The following MYO5C variants were observed in gnomAD, a reference collection of about 807,000 sequenced individuals.
The protein encoded by MYO5C is unconventional myosin-Vc.
A neutral mutation model predicts 235.7 loss-of-function variants in MYO5C; 194 were observed. That is an observed-to-expected ratio of 0.82 (90% CI 0.73 to 0.93). The LOEUF is 0.93. MYO5C is among the 40% of genes least tolerant of loss of function. The probability of loss-of-function intolerance (pLI) is 0.00; values close to 1 mark genes in which losing one functional copy is unlikely to be tolerated. For missense variants in MYO5C, 2,038 were observed against 2,127.2 expected (o/e 0.96, Z 0.82); for synonymous variants, 707 against 754.8 (o/e 0.94, Z 1.04).
intron 12 of MYO5C, 124 bp from the exon 13 acceptor site, chr15:52,251,639 CT>C: frequency 4.9e-6 from 2 of 408,956 alleles, no homozygotes; most frequent in Non-Finnish European, 8.4e-6. Context: ...CAATTAGAGG[CT>C]TTTTATTTAT....
intron 5 of MYO5C, among the ~76,000 whole-genome samples, chr15:52,274,421 A>T (rs1218187061): frequency 6.6e-6 from 1 of 151,966 alleles, no homozygotes; most frequent in Non-Finnish European, 1.5e-5. Context: ...GGGACTACAG[A>T]CATGTGCCAC....
chr15:52,273,835 A>C (rs535383868), intron 5 of MYO5C, among the ~76,000 whole-genome samples: 2 of 152,296 alleles, frequency 1.3e-5, no homozygotes, highest in South Asian at 4.2e-4. Context: ...ATTAAATGAG[A>C]GAATATGAGG....
intron 36 of MYO5C, among the ~76,000 whole-genome samples, chr15:52,206,853 G>A (rs771106631): frequency 6.6e-6 from 1 of 152,208 alleles, no homozygotes; most frequent in Non-Finnish European, 1.5e-5. Flanking sequence ...ACATTATAGG[G>A]CTGGGCGTGG....
At chr15:52,276,750 G>C (rs1810350826) in intron 4 of MYO5C, among the ~76,000 whole-genome samples, 1 of 152,108 alleles carries the variant, frequency 6.6e-6, no homozygotes, top group African/African-American at 2.4e-5. Context: ...AAAGATGCTT[G>C]GGAACATATG....
chr15:52,260,529 C>T (rs944171626), intron 10 of MYO5C, among the ~76,000 whole-genome samples: 6 of 152,202 alleles, frequency 3.9e-5, no homozygotes, highest in African/African-American at 1.2e-4. Flanking sequence ...TTGAGTCTTT[C>T]TAAGCCTTGG....
At chr15:52,201,824 G>A (rs1423214894) in intron 38 of MYO5C, among the ~76,000 whole-genome samples, 1 of 151,628 alleles carries the variant, frequency 6.6e-6, no homozygotes, top group Non-Finnish European at 1.5e-5. Context: ...ACTTGATGTG[G>A]TAAGATATTG....
intron 37 of MYO5C, 58 bp from the exon 38 acceptor site, chr15:52,205,205 C>A: frequency 6.4e-7 from 1 of 1,566,650 alleles, no homozygotes. Context: ...GGAACGTTCC[C>A]GACGCTCTTC....
Position 52,245,452 on chromosome 15 carries a change from C to T in MYO5C, c.2080G>A (p.Glu694Lys), listed in dbSNP as rs1261849313. 4 of 1,613,200 alleles carry T rather than the reference C, an allele frequency of 2.5e-6. No individual in the cohort carries two copies. The highest frequency in any genetic ancestry group is 2.2e-5 in the East Asian group (1 of 44,892). The change falls in exon 18 of 41, where the codon GAG becomes AAG. Residue 694 changes from glutamate to lysine, a missense_variant. Coordinates refer to ENST00000261839, the MANE Select transcript of MYO5C (RefSeq NM_018728.4). ...QSYPSRWTYI[E>K]FYSRYGILMT... ...AGAATGCCGTAGCGACTGTAGAACT[C>T]GATGTATGTCCACCTGGAAAATCAA...
intron 35 of MYO5C, 46 bp downstream of exon 35, chr15:52,211,684 T>A: frequency 1.3e-6 from 2 of 1,583,338 alleles, no homozygotes; most frequent in East Asian, 4.5e-5. Context: ...ATCTGGTCAT[T>A]CCCATAGATG....
chr15:52,275,790 A>ATG (rs753261184), intron 4 of MYO5C, 72 bp from the exon 5 acceptor site: 286 of 1,432,674 alleles, frequency 2.0e-4, no homozygotes, highest in Non-Finnish European at 2.8e-4. Context: ...ATTAAGACAA[A>ATG]TGTGGACAAG....
chr15:52,242,153 G>A lies in MYO5C; in HGVS notation c.2451C>T (p.His817=). ...GGCTGCGAACAAGATACCCGCGGCAGTGCTTCTGAATGATTATGGCTGCCC... is the reference window on the plus strand; with the variant it reads ...GGCTGCGAACAAGATACCCGCGGCAATGCTTCTGAATGATTATGGCTGCCC... The part of the protein sequence containing the change: ...EAWAAIIIQK[H]CRGYLVRSLY... Residue 817 remains histidine (H), a synonymous_variant, in exon 20 of 41, where the codon CAC becomes CAT. Transcript: ENST00000261839. The A allele has an allele frequency of 6.2e-7, 1 of 1,614,178 alleles. No individual in the cohort carries two copies. Among genetic ancestry groups the A allele is most frequent in the Non-Finnish European group, 8.5e-7 (1 of 1,180,002 alleles).
chr15:52,269,920 T>A, intron 7 of MYO5C, 60 bp from the exon 8 acceptor site: 2 of 1,162,062 alleles, frequency 1.7e-6, no homozygotes, highest in Non-Finnish European at 2.6e-6. Flanking sequence ...CATACACATT[T>A]ATCAGAAGAA....
chr15:52,221,368 T>G, intron 29 of MYO5C, 113 bp from the exon 30 acceptor site: 1 of 719,602 alleles, frequency 1.4e-6, no homozygotes, highest in South Asian at 2.1e-5. Flanking sequence ...CAGATAGCTG[T>G]GTAAAAGAGC....
intron 13 of MYO5C, among the ~76,000 whole-genome samples, 162 bp from the exon 14 acceptor site, chr15:52,248,945 T>C (rs1453925508): frequency 6.6e-6 from 1 of 152,190 alleles, no homozygotes; most frequent in Non-Finnish European, 1.5e-5. Context: ...AGCCCCATTA[T>C]GTATAAGCTG....
At chr15:52,277,940 G>A (rs2037087288) in intron 4 of MYO5C, 1 of 456,020 alleles carries the variant, frequency 2.2e-6, no homozygotes, top group Non-Finnish European at 4.4e-6. Context: ...ATAAAGCGGA[G>A]GGAGCTCAGG....
chr15:52,283,881 G>A (rs796938134), intron 1 of MYO5C, among the ~76,000 whole-genome samples: 14 of 151,892 alleles, frequency 9.2e-5, no homozygotes, highest in African/African-American at 3.4e-4. Flanking sequence ...CACCATGTTG[G>A]TCAGGCTGGT....
chr15:52,208,485 G>A (rs1214691527), intron 36 of MYO5C, 69 bp downstream of exon 36: 2 of 1,424,194 alleles, frequency 1.4e-6, no homozygotes, highest in African/African-American at 2.8e-5. Flanking sequence ...GCTCTATTGA[G>A]CTCTGGCTCA....
At chr15:52,260,376 AG>A (rs2036668096) in intron 10 of MYO5C, among the ~76,000 whole-genome samples, 1 of 152,192 alleles carries the variant, frequency 6.6e-6, no homozygotes, top group Non-Finnish European at 1.5e-5. Flanking sequence ...GTGCAAGCCT[AG>A]GTGACTTGTC....
chr15:52,203,184 A>G (rs186408393), intron 38 of MYO5C, among the ~76,000 whole-genome samples: 4 of 152,062 alleles, frequency 2.6e-5, no homozygotes, highest in Admixed American at 2.0e-4. Flanking sequence ...TCGACCTCCC[A>G]AAGTCCTGGG....
Sources: gnomAD v4.1 joint callset for allele counts (sites outside exome capture counted in the v4.1 genomes callset) on GRCh38, gnomAD v4.1.1 for gene constraint, MANE v1.5 for transcripts, NCBI Gene and HGNC (gene_info 2026-07-23, HGNC 2026-07-21) for gene names.